WIF1: variants seen among roughly 807,000 people sequenced by gnomAD.
WIF1 encodes Wnt inhibitory factor 1.
A neutral mutation model predicts 53.5 loss-of-function variants in WIF1; 35 were observed. The ratio of observed to expected loss-of-function variants is 0.65; its 90% CI spans 0.50 to 0.87. The LOEUF is 0.87. WIF1 is among the 40% of genes least tolerant of loss of function. WIF1 has a pLI of 0.00. For synonymous variants in WIF1, 171 were observed against 170.4 expected (o/e 1.00, Z -0.03); for missense variants, 467 against 476.8 (o/e 0.98, Z 0.19).
intron 3 of WIF1, among the ~76,000 whole-genome samples, chr12:65,076,310 T>G (rs1282788245): frequency 6.6e-6 from 1 of 151,810 alleles, no homozygotes; most frequent in Non-Finnish European, 1.5e-5. Context: ...ATGTAGAGAT[T>G]ATAGGTATGA....
intron 2 of WIF1, among the ~76,000 whole-genome samples, chr12:65,116,677 G>A (rs1883515679): frequency 6.6e-6 from 1 of 151,900 alleles, no homozygotes; most frequent in African/African-American, 2.4e-5. Context: ...GCTCACGCCT[G>A]TAATCCCAGC....
At position 65,051,206 on chromosome 12, in the gene WIF1, T is replaced by A. The variant is rs1882434908; in HGVS notation, c.*143A>T. 2 of 1,068,972 alleles carry A rather than the reference T, an allele frequency of 1.9e-6. No individual in the cohort carries two copies. Among genetic ancestry groups the A allele is most frequent in the African/African-American group, 3.2e-5 (2 of 61,630 alleles). 66.2% of individuals were successfully genotyped at this position (1,068,972 alleles called of 1,614,324 possible). On this transcript the variant is annotated 3_prime_UTR_variant, in exon 10 of 10. Coordinates refer to ENST00000286574, the MANE Select transcript of WIF1 (RefSeq NM_007191.5). ...GAAAACTTAAAAGGAAGAGTAAATA[T>A]CAGCTCAGTGATTTATAATGAAGCT...
chr12:65,105,958 A>G (rs530759836), intron 2 of WIF1, among the ~76,000 whole-genome samples: 3 of 152,260 alleles, frequency 2.0e-5, no homozygotes, highest in Non-Finnish European at 2.9e-5. Context: ...TTCTGAGGCC[A>G]TAAGTCCTGT....
Position 65,121,289 on chromosome 12 carries a change from C to T in WIF1, c.-98G>A. On this transcript the variant is annotated 5_prime_UTR_variant, in exon 1 of 10. Transcript: ENST00000286574. ...TCTGCTGCGCTGCAGCTCCCTCAGC[C>T]AGGGCTGTTCCCGTTTAGACGGCTG... 7.7e-7 allele frequency: 1 copy of T among 1,300,616 alleles called. No homozygotes were observed. Among genetic ancestry groups the T allele is most frequent in the Non-Finnish European group, 9.8e-7 (1 of 1,021,168 alleles). The allele number at this position is 1,300,616 out of a possible 1,614,324, so 80.6% of individuals were successfully genotyped here. A position where few individuals can be genotyped will look rare whatever the true frequency, so the allele number is the denominator to read the frequency against.
chr12:65,120,908 T>C, intron 1 of WIF1, 136 bp downstream of exon 1: 1 of 1,176,988 alleles, frequency 8.5e-7, no homozygotes, highest in South Asian at 2.6e-5. Context: ...AGATGGAAAA[T>C]ATCTAATTAA....
chr12:65,084,251 T>C (rs1346764601), intron 2 of WIF1, among the ~76,000 whole-genome samples: 1 of 152,226 alleles, frequency 6.6e-6, no homozygotes, highest in Non-Finnish European at 1.5e-5. Flanking sequence ...AATATTCTTT[T>C]TGCCCTTCTC....
intron 2 of WIF1, among the ~76,000 whole-genome samples, chr12:65,092,697 A>AT (rs1883144516): frequency 6.6e-6 from 1 of 152,030 alleles, no homozygotes; most frequent in Non-Finnish European, 1.5e-5. Flanking sequence ...TGGCACATTC[A>AT]TAAAAATAGC....
chr12:65,087,190 C>A (rs950586957), intron 2 of WIF1, among the ~76,000 whole-genome samples: 1 of 152,000 alleles, frequency 6.6e-6, no homozygotes, highest in South Asian at 2.1e-4. Context: ...TAAGCAATTA[C>A]CCTCACACCT....
intron 7 of WIF1, among the ~76,000 whole-genome samples, chr12:65,058,430 T>A (rs769889888): frequency 3.3e-5 from 5 of 152,200 alleles, no homozygotes; most frequent in African/African-American, 9.6e-5. Context: ...AATCCTTTCA[T>A]AAACTTCAAG....
chr12:65,098,838 G>A (rs1239264834), intron 2 of WIF1, among the ~76,000 whole-genome samples: 1 of 152,114 alleles, frequency 6.6e-6, no homozygotes, highest in Non-Finnish European at 1.5e-5. Context: ...CAGAAAACAT[G>A]TGCCCTTTAG....
intron 2 of WIF1, among the ~76,000 whole-genome samples, chr12:65,085,616 A>G (rs1205770196): frequency 1.3e-5 from 2 of 152,238 alleles, no homozygotes; most frequent in Non-Finnish European, 2.9e-5. Flanking sequence ...TTTACTGATC[A>G]TGGCTTAAAC....
intron 2 of WIF1, among the ~76,000 whole-genome samples, chr12:65,114,176 A>AC (rs1565761859): frequency 6.7e-6 from 1 of 150,340 alleles, no homozygotes; most frequent in Non-Finnish European, 1.5e-5. Context: ...TATTTTTTTT[A>AC]TTTTTTTTTG....
rs1018052466 is a variant in WIF1, at chr12:65,121,234, G to T, written c.-43C>A. 19 of 1,398,234 alleles carry T rather than the reference G, an allele frequency of 1.4e-5. No homozygotes were observed. Among genetic ancestry groups the T allele is most frequent in the Non-Finnish European group, 1.9e-6 (2 of 1,065,888 alleles). 86.6% of individuals were successfully genotyped at this position (1,398,234 alleles called of 1,614,324 possible). On this transcript the variant is annotated 5_prime_UTR_variant, in exon 1 of 10. Coordinates refer to ENST00000286574, the MANE Select transcript of WIF1 (RefSeq NM_007191.5). Reference sequence around the variant, plus strand: ...CGCTGCCGGGAAAACTCCTCGTGCCGCACCTACGCAACCTGGCGCCGTCAG... The same window carrying T: ...CGCTGCCGGGAAAACTCCTCGTGCCTCACCTACGCAACCTGGCGCCGTCAG...
chr12:65,082,040 G>A (rs991416059), intron 2 of WIF1, among the ~76,000 whole-genome samples: 1 of 151,924 alleles, frequency 6.6e-6, no homozygotes, highest in East Asian at 1.9e-4. Flanking sequence ...GAACTACAGA[G>A]TAAATATATC....
chr12:65,095,106 T>TA (rs1463570916), intron 2 of WIF1, among the ~76,000 whole-genome samples: 1 of 143,638 alleles, frequency 7.0e-6, no homozygotes, highest in Non-Finnish European at 1.5e-5. Flanking sequence ...CTAATTTTTG[T>TA]ATTTTTTTTT....
intron 7 of WIF1, among the ~76,000 whole-genome samples, chr12:65,061,434 A>G (rs1438656054): frequency 6.6e-6 from 1 of 152,244 alleles, no homozygotes; most frequent in African/African-American, 2.4e-5. Context: ...GCAGGGACAC[A>G]GGACACTTAG....
At chr12:65,099,300 A>G (rs1883246723) in intron 2 of WIF1, among the ~76,000 whole-genome samples, 2 of 152,208 alleles carry the variant, frequency 1.3e-5, no homozygotes, top group Admixed American at 1.3e-4. Flanking sequence ...GAGTGAGCCA[A>G]TGGGAATGAT....
chr12:65,070,383 A>G (rs1234738389), intron 3 of WIF1, among the ~76,000 whole-genome samples: 1 of 152,214 alleles, frequency 6.6e-6, no homozygotes, highest in Non-Finnish European at 1.5e-5. Flanking sequence ...GTCCCTATTG[A>G]AAACCTTGGC....
chr12:65,058,315 G>A lies in WIF1; in HGVS notation c.827-2189C>T, dbSNP rs563259201. On this transcript the variant is annotated intron_variant, in intron 7 of 9. Transcript: ENST00000286574. ...AGGATGATAATTATATGGCAGAAAAGACAGCGTACTCATATGTGAACTACT... is the reference window on the plus strand; with the variant it reads ...AGGATGATAATTATATGGCAGAAAAAACAGCGTACTCATATGTGAACTACT... Among the ~76,000 whole-genome samples the A allele has an allele frequency of 2.0e-5, 3 of 152,292 alleles. No individual in the cohort carries two copies. In the South Asian group the frequency reaches 6.2e-4, roughly 32 times the overall value.
Sources: gnomAD v4.1 joint callset for allele counts (sites outside exome capture counted in the v4.1 genomes callset) on GRCh38, gnomAD v4.1.1 for gene constraint, MANE v1.5 for transcripts, NCBI Gene and HGNC (gene_info 2026-07-23, HGNC 2026-07-21) for gene names.